SPAG16: variants seen among roughly 807,000 people sequenced by gnomAD.
SPAG16 encodes the protein sperm-associated antigen 16 protein.
SPAG16 carries 86 observed loss-of-function variants against 80.4 expected under a neutral mutation model. That is an observed-to-expected ratio of 1.07 (90% CI 0.90 to 1.28). SPAG16 has a LOEUF of 1.28. Among genes scored for constraint, SPAG16 ranks in the 50% most tolerant of loss-of-function variants. The pLI, the probability that SPAG16 is intolerant of heterozygous loss-of-function variation, is 0.00. For synonymous variants in SPAG16, 294 were observed against 265.9 expected, an observed-to-expected ratio of 1.11 and a Z score of -1.03; for missense variants, 870 against 765.3, an observed-to-expected ratio of 1.14 and a Z score of -1.61.
chr2:214,272,430 T>A (rs1195002350), intron 15 of SPAG16, among the ~76,000 whole-genome samples: 1 of 152,196 alleles, frequency 6.6e-6, no homozygotes, highest in Middle Eastern at 3.2e-3. Flanking sequence ...TTTGTCCTAA[T>A]GCTATCCCTC....
chr2:213,745,001 C>G (rs1049288340), intron 10 of SPAG16, among the ~76,000 whole-genome samples: 2 of 152,110 alleles, frequency 1.3e-5, no homozygotes, highest in Admixed American at 6.5e-5. Flanking sequence ...GTATGACATA[C>G]GTTGATTTTT....
rs183259376 is a variant in SPAG16, at chr2:214,098,876, T to C, written c.1528-9320T>C. On this transcript the variant is annotated intron_variant, in intron 13 of 15. Coordinates refer to ENST00000331683, the MANE Select transcript of SPAG16 (RefSeq NM_024532.5). ...TTACAGAGGCAGGAGTTGGTTGAAG[T>C]CAGTTTTAGAAAAGTAGCTTGTATT... 1.5e-4 allele frequency among the ~76,000 whole-genome samples: 23 copies of C among 152,140 alleles called. 1 individual carries two copies. In the South Asian group the frequency reaches 2.1e-3, roughly 14 times the overall value.
At chr2:213,402,776 A>G (rs926349875) in intron 9 of SPAG16, among the ~76,000 whole-genome samples, 8 of 152,268 alleles carry the variant, frequency 5.3e-5, no homozygotes, top group African/African-American at 1.4e-4. Context: ...TTATGGCTGC[A>G]TAGTATTCCA....
Position 213,481,549 on chromosome 2 carries a change from A to G in SPAG16, c.943-8414A>G, listed in dbSNP as rs2073749602. The stretch of plus-strand genomic sequence containing the variant: ...AGCTACCCATAAGCAATAACTACAT[A>G]CTATGTAAGTGCCCCCTGACCTCCT... On this transcript the variant is annotated intron_variant, in intron 9 of 15. Transcript: ENST00000331683. Among the ~76,000 whole-genome samples the G allele has an allele frequency of 5.3e-5, 8 of 152,328 alleles. No individual in the cohort carries two copies. The South Asian group carries it at 1.7e-3, about 32-fold the overall frequency.
chr2:214,390,157 T>G (rs1294740719), intron 15 of SPAG16, among the ~76,000 whole-genome samples: 2 of 152,150 alleles, frequency 1.3e-5, no homozygotes, highest in Non-Finnish European at 2.9e-5. Context: ...CTTGCATTTC[T>G]CTAGTATTCA....
rs185042058 is a variant in SPAG16 at position 214,081,557 on chromosome 2, G to A, written c.1528-26639G>A. Among the ~76,000 whole-genome samples, 9 of 152,270 alleles carry A rather than the reference G, an allele frequency of 5.9e-5. No individual in the cohort carries two copies. In the East Asian group the frequency reaches 7.7e-4, roughly 13 times the overall value. On this transcript the variant is annotated intron_variant, in intron 13 of 15. Coordinates refer to ENST00000331683, the MANE Select transcript of SPAG16 (RefSeq NM_024532.5). The stretch of plus-strand genomic sequence containing the variant: ...ATGCTGCATCTACAAGCCAACAACC[G>A]TCAAGGACTGCCAGCCGTCACCAGA...
intron 11 of SPAG16, among the ~76,000 whole-genome samples, chr2:213,905,328 G>A (rs528541909): frequency 1.9e-4 from 29 of 152,246 alleles, no homozygotes; most frequent in African/African-American, 3.6e-4. Context: ...TATTTTATAC[G>A]TATAATAACT....
chr2:213,576,817 A>G (rs1316032313), intron 10 of SPAG16, among the ~76,000 whole-genome samples: 1 of 152,130 alleles, frequency 6.6e-6, no homozygotes, highest in Non-Finnish European at 1.5e-5. Flanking sequence ...ATAGAGGGGA[A>G]CAAAACACAC....
chr2:213,577,810 T>C (rs948419571), intron 10 of SPAG16, among the ~76,000 whole-genome samples: 1 of 152,110 alleles, frequency 6.6e-6, no homozygotes, highest in Non-Finnish European at 1.5e-5. Context: ...TGGAGACAAA[T>C]GCTGAGACTT....
intron 10 of SPAG16, among the ~76,000 whole-genome samples, chr2:213,540,188 C>T (rs567044301): frequency 6.6e-6 from 1 of 151,102 alleles, no homozygotes; most frequent in Admixed American, 6.6e-5. Flanking sequence ...GCGCCTGCCA[C>T]CACGCCCAGC....
chr2:213,519,306 G>A (rs533097893), intron 10 of SPAG16, among the ~76,000 whole-genome samples: 2 of 152,076 alleles, frequency 1.3e-5, no homozygotes, highest in African/African-American at 2.4e-5. Context: ...ATATGATTTG[G>A]CTTGGTGTCC....
At chr2:213,294,917 T>C (rs1575103323) in intron 1 of SPAG16, among the ~76,000 whole-genome samples, 1 of 152,146 alleles carries the variant, frequency 6.6e-6, no homozygotes, top group Admixed American at 6.5e-5. Context: ...ATTTGTAAAA[T>C]AGAGTTATAG....
At chr2:213,407,798 G>GGAGAGGCAGAGAGAGAGAGAGGA in intron 9 of SPAG16, among the ~76,000 whole-genome samples, 1 of 106,108 alleles carries the variant, frequency 9.4e-6, no homozygotes, top group Non-Finnish European at 2.2e-5. Context: ...AAGAGAGACA[G>GGAGAGGCAGAGAGAGAGAGAGGA]GAGAGGCAGA....
intron 11 of SPAG16, among the ~76,000 whole-genome samples, chr2:213,922,306 C>A (rs752430709): frequency 2.6e-5 from 4 of 152,062 alleles, no homozygotes; most frequent in African/African-American, 4.8e-5. Flanking sequence ...TCCTCAGTTT[C>A]TTCTATCCTG....
intron 13 of SPAG16, among the ~76,000 whole-genome samples, chr2:214,045,217 G>A: frequency 6.6e-6 from 1 of 152,134 alleles, no homozygotes; most frequent in African/African-American, 2.4e-5. Flanking sequence ...GAGTAGGATA[G>A]GGCACCGTAA....
chr2:214,408,678 CCAA>C lies in SPAG16; in HGVS notation c.1721-1461_1721-1459del, dbSNP rs1702129821. On this transcript the variant is annotated intron_variant, in intron 15 of 15. Coordinates refer to ENST00000331683, the MANE Select transcript of SPAG16 (RefSeq NM_024532.5). ...TCTAGAATTCTTATTATAAAATGGA[CCAA>C]TGCTATTTTCACAATATATCACTTA... Among the ~76,000 whole-genome samples the C allele has an allele frequency of 2.0e-5, 3 of 152,148 alleles. No individual in the cohort carries two copies. The South Asian group carries it at 6.2e-4, about 32-fold the overall frequency.
intron 3 of SPAG16, among the ~76,000 whole-genome samples, chr2:213,300,059 G>T (rs921989053): frequency 1.3e-5 from 2 of 152,070 alleles, no homozygotes; most frequent in African/African-American, 4.8e-5. Context: ...TTTGGTTATT[G>T]ATAGTTTATT....
intron 10 of SPAG16, among the ~76,000 whole-genome samples, chr2:213,753,100 C>T (rs1332883687): frequency 6.6e-6 from 1 of 152,170 alleles, no homozygotes; most frequent in African/African-American, 2.4e-5. Flanking sequence ...GCAAGCTCCA[C>T]CTCCCAGGTT....
intron 15 of SPAG16, among the ~76,000 whole-genome samples, chr2:214,278,432 C>G (rs1692641527): frequency 6.6e-6 from 1 of 152,108 alleles, no homozygotes; most frequent in Admixed American, 6.5e-5. Flanking sequence ...ATAGCTGTTC[C>G]TATGCAGCCA....
Sources: gnomAD v4.1 joint callset for allele counts (sites outside exome capture counted in the v4.1 genomes callset) on GRCh38, gnomAD v4.1.1 for gene constraint, MANE v1.5 for transcripts, NCBI Gene and HGNC (gene_info 2026-07-23, HGNC 2026-07-21) for gene names.